CDH13: variants seen among roughly 807,000 people sequenced by gnomAD.
CDH13 encodes the protein cadherin-13.
A neutral mutation model predicts 63.8 loss-of-function variants in CDH13; 24 were observed. The observed-to-expected ratio is 0.38, with a 90% CI of 0.27 to 0.53. The LOEUF (loss-of-function observed/expected upper bound fraction) is 0.53. CDH13 is among the 20% of genes least tolerant of loss of function. CDH13 has a pLI of 0.85. For synonymous variants in CDH13, 503 were observed against 355.3 expected (o/e 1.42, Z -4.67); for missense variants, 1,049 against 903.1 (o/e 1.16, Z -2.07).
In CDH13 at chr16:82,791,756, G is replaced by C. The variant is rs540544058; in HGVS notation, c.46-66606G>C. Among the ~76,000 whole-genome samples, 4 of 152,278 alleles carry C rather than the reference G, an allele frequency of 2.6e-5. No homozygotes were observed. The East Asian group carries it at 7.7e-4, about 29-fold the overall frequency. Reference sequence around the variant, plus strand: ...TTGTTCCCGCAAGGCTAAGTGCCTGGGTTCGTCCTAACTGGGCTGAACACT... The same window carrying C: ...TTGTTCCCGCAAGGCTAAGTGCCTGCGTTCGTCCTAACTGGGCTGAACACT... On this transcript the variant is annotated intron_variant, in intron 1 of 13. Coordinates refer to ENST00000567109, the MANE Select transcript of CDH13 (RefSeq NM_001257.5).
chr16:83,354,364 C>G (rs1025970686), intron 6 of CDH13, among the ~76,000 whole-genome samples: 29 of 152,138 alleles, frequency 1.9e-4, no homozygotes, highest in African/African-American at 7.0e-4. Flanking sequence ...TTCTTCATAA[C>G]CATTTCCTCA....
At chr16:83,526,158 C>A (rs1455987948) in intron 7 of CDH13, among the ~76,000 whole-genome samples, 2 of 152,198 alleles carry the variant, frequency 1.3e-5, no homozygotes, top group Admixed American at 6.5e-5. Flanking sequence ...GCAGCCACCA[C>A]CTTCGAACCA....
chr16:83,000,521 T>A (rs961745565), intron 2 of CDH13, among the ~76,000 whole-genome samples: 3 of 151,072 alleles, frequency 2.0e-5, no homozygotes, highest in Non-Finnish European at 4.4e-5. Flanking sequence ...GTGCTAGGAT[T>A]ACAGGTGTGA....
intron 1 of CDH13, among the ~76,000 whole-genome samples, chr16:82,634,406 C>T (rs1480312187): frequency 3.3e-5 from 5 of 152,174 alleles, no homozygotes; most frequent in Admixed American, 6.5e-5. Flanking sequence ...GTAGGGCCTG[C>T]GGAAAGTTGC....
chr16:83,546,738 C>G (rs1389671870), intron 7 of CDH13, among the ~76,000 whole-genome samples: 1 of 152,158 alleles, frequency 6.6e-6, no homozygotes, highest in Non-Finnish European at 1.5e-5. Context: ...CACCAGCCAT[C>G]TGCATAACAG....
At chr16:82,806,262 T>G (rs536752950) in intron 1 of CDH13, among the ~76,000 whole-genome samples, 1 of 152,306 alleles carries the variant, frequency 6.6e-6, no homozygotes, top group African/African-American at 2.4e-5. Context: ...CATGTCCCTT[T>G]TTACATGTCT....
chr16:82,895,213 A>G (rs1395043747), intron 2 of CDH13, among the ~76,000 whole-genome samples: 1 of 151,920 alleles, frequency 6.6e-6, no homozygotes, highest in African/African-American at 2.4e-5. Context: ...GCATTCCTCT[A>G]CCTCCAGCCC....
chr16:82,781,084 T>A (rs889542017), intron 1 of CDH13, among the ~76,000 whole-genome samples: 10 of 152,244 alleles, frequency 6.6e-5, no homozygotes, highest in African/African-American at 1.7e-4. Flanking sequence ...TGATTTTTTT[T>A]AAGTGTATCT....
intron 1 of CDH13, among the ~76,000 whole-genome samples, chr16:82,854,423 A>G (rs1458739246): frequency 2.0e-5 from 3 of 148,064 alleles, no homozygotes; most frequent in South Asian, 2.2e-4. Flanking sequence ...AAAAACAGTA[A>G]AAAGAAATCA....
chr16:83,383,786 G>C (rs939647203), intron 6 of CDH13, among the ~76,000 whole-genome samples: 2 of 152,228 alleles, frequency 1.3e-5, no homozygotes, highest in South Asian at 2.1e-4. Flanking sequence ...GTACCTTCCT[G>C]CCCAACCCTG....
chr16:83,342,457 T>C (rs777696475), intron 5 of CDH13, among the ~76,000 whole-genome samples: 1 of 152,214 alleles, frequency 6.6e-6, no homozygotes, highest in Non-Finnish European at 1.5e-5. Flanking sequence ...CCCTTCACTG[T>C]TTTTAGAGAC....
In CDH13 at chr16:83,584,670, T is replaced by C. The variant is rs549088971; in HGVS notation, c.961-17784T>C. On this transcript the variant is annotated intron_variant, in intron 7 of 13. Transcript: ENST00000567109. ...GTCCAGGAGCTTCTGTAGGATGTAG[T>C]GTTATGATGCTGAGACACTGTATTA... Among the ~76,000 whole-genome samples the C allele has an allele frequency of 2.6e-5, 4 of 152,252 alleles. No homozygotes were observed. The South Asian group carries it at 6.2e-4, about 24-fold the overall frequency.
chr16:82,891,119 C>A (rs2041066724), intron 2 of CDH13, among the ~76,000 whole-genome samples: 1 of 148,688 alleles, frequency 6.7e-6, no homozygotes. Flanking sequence ...TCATGTCATA[C>A]TGCCCCAGCC....
intron 7 of CDH13, among the ~76,000 whole-genome samples, chr16:83,496,421 G>A (rs62040146): frequency 8.6e-5 from 13 of 151,098 alleles, no homozygotes; most frequent in East Asian, 7.8e-4. Flanking sequence ...AGGATTCCCT[G>A]TTTAATAAAT....
chr16:82,783,967 T>C (rs2035886784), intron 1 of CDH13, among the ~76,000 whole-genome samples: 1 of 152,236 alleles, frequency 6.6e-6, no homozygotes, highest in African/African-American at 2.4e-5. Context: ...AAATTCAATT[T>C]GTTTTTTTCT....
At chr16:83,073,176 C>A (rs1423373947) in intron 3 of CDH13, among the ~76,000 whole-genome samples, 2 of 152,092 alleles carry the variant, frequency 1.3e-5, no homozygotes, top group African/African-American at 2.4e-5. Flanking sequence ...GCTTGCGTGG[C>A]TAGTGATTGT....
intron 4 of CDH13, among the ~76,000 whole-genome samples, chr16:83,157,624 G>A (rs1421736741): frequency 1.3e-5 from 2 of 151,982 alleles, no homozygotes; most frequent in South Asian, 2.1e-4. Context: ...GCCGGGCGCG[G>A]TGGTTCACAC....
rs115687517 is a variant in CDH13 at position 83,345,055 on chromosome 16, A to T, written c.781+49A>T. On this transcript the variant is annotated intron_variant, in intron 6 of 13. Transcript: ENST00000567109. ...AGCGTAATGGCTTGGAAAGAGGCAC[A>T]CTTTGATCTTTGTGGATTCTAGGGA... The T allele has an allele frequency of 5.1e-4, 813 of 1,590,988 alleles. 2 individuals carry two copies. In the African/African-American group the frequency reaches 9.2e-3, roughly 18 times the overall value.
At chr16:82,722,442 A>C (rs1319043789) in intron 1 of CDH13, among the ~76,000 whole-genome samples, 2 of 152,194 alleles carry the variant, frequency 1.3e-5, no homozygotes, top group Non-Finnish European at 2.9e-5. Context: ...ATTACTGAAC[A>C]GTCCTTGCAG....
Sources: allele counts gnomAD v4.1 joint callset (sites outside exome capture counted in the v4.1 genomes callset), GRCh38; gene constraint gnomAD v4.1.1; transcripts MANE v1.5; gene names NCBI Gene and HGNC (gene_info 2026-07-23, HGNC 2026-07-21).